FCHO2: variants seen among roughly 807,000 people sequenced by gnomAD.
FCHO2 encodes the protein F-BAR domain only protein 2.
A neutral mutation model predicts 114.1 loss-of-function variants in FCHO2; 43 were observed. The ratio of observed to expected loss-of-function variants is 0.38; its 90% CI spans 0.30 to 0.49. The LOEUF is 0.49. Ranked by LOEUF, FCHO2 falls within the 20% of genes least tolerant of loss-of-function variation. The probability of loss-of-function intolerance (pLI) is 0.97; values close to 1 mark genes in which losing one functional copy is unlikely to be tolerated. For synonymous variants in FCHO2, 293 were observed against 315.2 expected (o/e 0.93, Z 0.75); for missense variants, 807 against 950.4 (o/e 0.85, Z 1.98).
chr5:73,074,473 G>A (rs1239475933), intron 19 of FCHO2, among the ~76,000 whole-genome samples: 4 of 151,906 alleles, frequency 2.6e-5, no homozygotes, highest in Admixed American at 1.3e-4. Context: ...TTAGTCAAGG[G>A]CTTTTTTATT....
intron 5 of FCHO2, chr5:72,996,868 G>A: frequency 7.1e-7 from 1 of 1,399,878 alleles, no homozygotes. Context: ...GTGCCACGGG[G>A]GCCCCCGGGG....
chr5:73,011,500 A>G lies in FCHO2; in HGVS notation c.601-4126A>G, dbSNP rs115657734. Among the ~76,000 whole-genome samples the G allele has an allele frequency of 5.6e-3, 853 of 152,190 alleles. 14 individuals carry two copies. Among genetic ancestry groups the G allele is most frequent in the African/African-American group, 0.02 (818 of 41,500 alleles). On this transcript the variant is annotated intron_variant, in intron 6 of 25. Transcript: ENST00000430046. ...TTTTAAATCTTTTTCCTAAAAACTA[A>G]GACACAAACGCACACAGTAAACATG...
At chr5:73,014,034 C>T (rs1755163991) in intron 6 of FCHO2, among the ~76,000 whole-genome samples, 1 of 151,942 alleles carries the variant, frequency 6.6e-6, no homozygotes, top group South Asian at 2.1e-4. Context: ...GCAGTGGTTT[C>T]CTCTCTGGGG....
Position 73,068,785 on chromosome 5 carries a change from T to C in FCHO2, c.1579+6T>C, listed in dbSNP as rs563590383. Reference sequence around the variant, plus strand: ...TGCCAATACTCCAACAGTAGGTAAGTGATTATCATCAATTACATGTGAAAT... The same window carrying C: ...TGCCAATACTCCAACAGTAGGTAAGCGATTATCATCAATTACATGTGAAAT... On this transcript the variant is annotated splice_donor_region_variant and intron_variant, in intron 19 of 25. Transcript: ENST00000430046. The C allele has an allele frequency of 6.2e-7, 1 of 1,610,556 alleles. No individual in the cohort carries two copies. Among genetic ancestry groups the C allele is most frequent in the African/African-American group, 1.3e-5 (1 of 74,824 alleles).
intron 8 of FCHO2, among the ~76,000 whole-genome samples, chr5:73,021,432 T>A (rs888546382): frequency 9.2e-5 from 14 of 152,150 alleles, no homozygotes; most frequent in Non-Finnish European, 4.4e-5. Context: ...GAGGCCAACC[T>A]GAACTGCTTG....
chr5:72,971,527 C>G (rs934921444), intron 2 of FCHO2, among the ~76,000 whole-genome samples: 2 of 152,128 alleles, frequency 1.3e-5, no homozygotes, highest in Non-Finnish European at 2.9e-5. Flanking sequence ...TCATGTCCTT[C>G]GCCCACTTTT....
At chr5:72,974,415 A>C (rs2112621434) in intron 2 of FCHO2, among the ~76,000 whole-genome samples, 1 of 148,914 alleles carries the variant, frequency 6.7e-6, no homozygotes, top group East Asian at 2.0e-4. Flanking sequence ...TATTTAGGAT[A>C]GTTAACTCTT....
At chr5:72,979,660 G>C (rs1462502611) in intron 2 of FCHO2, among the ~76,000 whole-genome samples, 3 of 151,700 alleles carry the variant, frequency 2.0e-5, no homozygotes, top group Non-Finnish European at 4.4e-5. Context: ...CAAAGTGCTG[G>C]GATTACAGGC....
chr5:73,014,293 C>CTTTTTT (rs551434825), intron 6 of FCHO2, among the ~76,000 whole-genome samples: 1 of 136,926 alleles, frequency 7.3e-6, no homozygotes, highest in Non-Finnish European at 1.6e-5. Context: ...TTTTCTTTTT[C>CTTTTTT]TTTTTTTTTT....
At chr5:73,015,075 CA>C (rs1001718712) in intron 6 of FCHO2, among the ~76,000 whole-genome samples, 484 of 31,822 alleles carry the variant, frequency 0.015, no homozygotes, top group African/African-American at 0.044. Context: ...GACTCCGTCT[CA>C]AAAAAAAAAA....
intron 8 of FCHO2, among the ~76,000 whole-genome samples, chr5:73,024,936 A>G (rs1431037652): frequency 6.6e-6 from 1 of 152,196 alleles, no homozygotes; most frequent in Non-Finnish European, 1.5e-5. Flanking sequence ...ACTGGCCTTA[A>G]GATATACGAA....
intron 5 of FCHO2, among the ~76,000 whole-genome samples, chr5:72,991,360 A>T (rs1009610309): frequency 6.6e-6 from 1 of 152,246 alleles, no homozygotes; most frequent in Non-Finnish European, 1.5e-5. Context: ...CACTACACCC[A>T]ACCAAAAAAC....
chr5:73,017,318 T>C lies in FCHO2; in HGVS notation c.796+10T>C, dbSNP rs944666262. ...GGGAAGGAAAGACCTGGTAAGATGA[T>C]AAACTCTGCAAGGAAACATTTTAAA... On this transcript the variant is annotated intron_variant, in intron 8 of 25. Transcript: ENST00000430046. 7 of 1,506,114 alleles carry C rather than the reference T, an allele frequency of 4.6e-6. No homozygotes were observed. The highest frequency in any genetic ancestry group is 6.3e-6 in the Non-Finnish European group (7 of 1,115,998). 93.3% of individuals were successfully genotyped at this position (1,506,114 alleles called of 1,614,324 possible).
At chr5:73,006,785 T>C (rs1754741002) in intron 6 of FCHO2, among the ~76,000 whole-genome samples, 1 of 152,100 alleles carries the variant, frequency 6.6e-6, no homozygotes, top group African/African-American at 2.4e-5. Flanking sequence ...TTAAAGGTAA[T>C]TGGGGAAACT....
chr5:73,016,411 A>C (rs1755315385), intron 7 of FCHO2, among the ~76,000 whole-genome samples: 1 of 119,688 alleles, frequency 8.4e-6, no homozygotes, highest in Admixed American at 9.0e-5. Flanking sequence ...AATATTAAAA[A>C]AGATTTTAAA....
chr5:73,030,326 G>A (rs987233855), intron 8 of FCHO2, among the ~76,000 whole-genome samples: 1 of 152,078 alleles, frequency 6.6e-6, no homozygotes, highest in Non-Finnish European at 1.5e-5. Context: ...ACAGGCATGA[G>A]CCACCATGCC....
In FCHO2 at chr5:73,090,487, AGTT is replaced by A. The variant is rs1241796428; in HGVS notation, c.*2400_*2402del. On this transcript the variant is annotated 3_prime_UTR_variant, in exon 26 of 26. Transcript: ENST00000430046. Reference sequence around the variant, plus strand: ...TCATTAAATGTAAATTTTACATAAAAGTTGTGCTCTTAATAAACATGTAATATA... The same window carrying A: ...TCATTAAATGTAAATTTTACATAAAAGTGCTCTTAATAAACATGTAATATA... 6.6e-6 allele frequency: 1 copy of A among 152,640 alleles called. No homozygotes were observed. The highest frequency in any genetic ancestry group is 1.5e-5 in the Non-Finnish European group (1 of 68,020). The allele number at this position is 152,640 out of a possible 1,614,324, so 9.5% of individuals were successfully genotyped here. A position where few individuals can be genotyped will look rare whatever the true frequency, so the allele number is the denominator to read the frequency against.
At chr5:73,043,506 T>C (rs528103793) in intron 11 of FCHO2, among the ~76,000 whole-genome samples, 2 of 152,178 alleles carry the variant, frequency 1.3e-5, no homozygotes, top group African/African-American at 4.8e-5. Flanking sequence ...GCAGACACAC[T>C]TGATCAAGAT....
At chr5:73,046,167 T>A (rs1329381656) in intron 11 of FCHO2, among the ~76,000 whole-genome samples, 1 of 152,194 alleles carries the variant, frequency 6.6e-6, no homozygotes, top group African/African-American at 2.4e-5. Flanking sequence ...TTGGCTCAAG[T>A]GATCCTTCCT....
Sources: allele counts gnomAD v4.1 joint callset (sites outside exome capture counted in the v4.1 genomes callset), GRCh38; gene constraint gnomAD v4.1.1; transcripts MANE v1.5; gene names NCBI Gene and HGNC (gene_info 2026-07-23, HGNC 2026-07-21).